Variants in GOLGB1 observed in about 807,000 individuals in gnomAD.
The protein encoded by GOLGB1 is golgin B1.
In GOLGB1, 174 loss-of-function variants were observed where a neutral mutation model predicts 336.9. The ratio of observed to expected loss-of-function variants is 0.52; its 90% CI spans 0.46 to 0.59. GOLGB1 has a LOEUF of 0.59. Among genes scored for constraint, GOLGB1 ranks in the 20% least tolerant of loss-of-function variants. The pLI, the probability that GOLGB1 is intolerant of heterozygous loss-of-function variation, is 0.00. For synonymous variants in GOLGB1, 1,208 were observed against 1,289.2 expected, an observed-to-expected ratio of 0.94 and a Z score of 1.35; for missense variants, 3,331 against 3,645.3, an observed-to-expected ratio of 0.91 and a Z score of 2.22.
chr3:121,689,798 T>C (rs567129210), intron 14 of GOLGB1, among the ~76,000 whole-genome samples: 1 of 152,350 alleles, frequency 6.6e-6, no homozygotes, highest in East Asian at 1.9e-4. Flanking sequence ...CAGACTATCA[T>C]GAAAGTGAAG....
At chr3:121,687,347 C>A (rs190490738) in intron 14 of GOLGB1, among the ~76,000 whole-genome samples, 242 of 152,248 alleles carry the variant, frequency 1.6e-3, no homozygotes, top group South Asian at 3.5e-3. Flanking sequence ...GATAGTACAA[C>A]TTTTAAATAT....
intron 10 of GOLGB1, among the ~76,000 whole-genome samples, chr3:121,713,147 C>T (rs1454420201): frequency 1.3e-5 from 2 of 151,900 alleles, no homozygotes; most frequent in Admixed American, 1.3e-4. Flanking sequence ...GGGCGACAGA[C>T]CAAGACTCCG....
Position 121,691,998 on chromosome 3 carries a change from C to T in GOLGB1, c.7366G>A (p.Glu2456Lys), listed in dbSNP as rs1194523677. The change falls in exon 14 of 22, where the codon GAA becomes AAA. Residue 2456 changes from glutamate (E) to lysine (K), a missense_variant. Physicochemically the swap from Glu to Lys is moderately conservative, Grantham distance 56 (BLOSUM62 1). Transcript: ENST00000614479. ...AACTGTGCCTTTTGCTGAATGTTTT[C>T]CTTTTTGATGGTTTTCAGTGTTTCC... ...LMETLKTIKK[E>K]NIQQKAQLDS... is the part of the protein sequence containing the mutation. 1.2e-6 allele frequency: 2 copies of T among 1,613,534 alleles called. No homozygotes were observed. The highest frequency in any genetic ancestry group is 1.1e-5 in the South Asian group (1 of 90,932).
At chr3:121,729,401 C>T in intron 3 of GOLGB1, 61 bp from the exon 4 acceptor site, 1 of 1,282,214 alleles carries the variant, frequency 7.8e-7, no homozygotes, top group South Asian at 1.4e-5. Context: ...CTAGCACATA[C>T]TAAAAGTTAT....
chr3:121,700,369 C>A (rs368377212), intron 11 of GOLGB1, among the ~76,000 whole-genome samples: 35 of 152,030 alleles, frequency 2.3e-4, no homozygotes, highest in East Asian at 7.7e-4. Context: ...ATGACACAAC[C>A]CGAAAGGTTA....
At chr3:121,685,124 T>A (rs1277841542) in intron 14 of GOLGB1, among the ~76,000 whole-genome samples, 1 of 152,196 alleles carries the variant, frequency 6.6e-6, no homozygotes, top group Admixed American at 6.5e-5. Context: ...AAAATAAAAG[T>A]AACATGTCTC....
intron 5 of GOLGB1, among the ~76,000 whole-genome samples, chr3:121,723,819 C>G (rs1426479352): frequency 1.3e-5 from 2 of 152,160 alleles, no homozygotes; most frequent in African/African-American, 2.4e-5. Context: ...GAAAAGCTTT[C>G]CTGAATCAAG....
chr3:121,726,433 C>CAAAAAAAAAAAAAA (rs10547964), intron 5 of GOLGB1, among the ~76,000 whole-genome samples: 1 of 61,452 alleles, frequency 1.6e-5, no homozygotes, highest in Admixed American at 2.4e-4. Context: ...CACCCTGTCT[C>CAAAAAAAAAAAAAA]AAAAAAAAAA....
chr3:121,726,689 T>G (rs771583002), intron 5 of GOLGB1, among the ~76,000 whole-genome samples: 2 of 152,034 alleles, frequency 1.3e-5, no homozygotes, highest in Non-Finnish European at 2.9e-5. Context: ...AACCATATAT[T>G]GAAAGAGTAT....
rs1325369526 is a variant in GOLGB1, at chr3:121,664,764, G to C, written c.9661-150C>G. ...AAGTTGCCTCAGAGTCAACAACTTG[G>C]CAAATTCCACCAGGTTCTAATCTTC... On this transcript the variant is annotated intron_variant, in intron 21 of 21. Transcript: ENST00000614479. 12 of 854,206 alleles carry C rather than the reference G, an allele frequency of 1.4e-5. No individual in the cohort carries two copies. The Admixed American group carries it at 1.8e-4, about 13-fold the overall frequency. 52.9% of individuals were successfully genotyped at this position (854,206 alleles called of 1,614,324 possible). A position where few individuals can be genotyped will look rare whatever the true frequency, so the allele number is the denominator to read the frequency against.
chr3:121,729,516 C>A (rs953080722), intron 3 of GOLGB1, among the ~76,000 whole-genome samples, 176 bp from the exon 4 acceptor site: 1 of 152,096 alleles, frequency 6.6e-6, no homozygotes, highest in Non-Finnish European at 1.5e-5. Context: ...CAGGCTCAAG[C>A]GATCCTATCT....
rs758441188 is a variant in GOLGB1 at position 121,714,911 on chromosome 3, C to T, written c.1354G>A (p.Glu452Lys). ...GGGAAAGAAGTCTGAGATGCTGTTT[C>T]ATGTTGTTGCAAGGGCAGTCTATTT... ...FLNRLPLQQH[E>K]TASQTSFPDV... The change falls in exon 10 of 22, where the codon GAA (glutamate) becomes AAA (lysine). Residue 452 changes from glutamate to lysine, a missense_variant. Physicochemically the swap from Glu to Lys is moderately conservative, Grantham distance 56 (BLOSUM62 1). Transcript: ENST00000614479. The T allele has an allele frequency of 2.5e-6, 4 of 1,613,056 alleles. No individual in the cohort carries two copies. Among genetic ancestry groups the T allele is most frequent in the Non-Finnish European group, 3.4e-6 (4 of 1,179,368 alleles).
At chr3:121,705,837 C>G (rs943892669) in intron 10 of GOLGB1, among the ~76,000 whole-genome samples, 1 of 152,010 alleles carries the variant, frequency 6.6e-6, no homozygotes, top group Admixed American at 6.5e-5. Context: ...GTTATATAGC[C>G]AAATGTGAAA....
At chr3:121,693,082 AT>A (rs1942601373) in intron 13 of GOLGB1, among the ~76,000 whole-genome samples, 2 of 152,362 alleles carry the variant, frequency 1.3e-5, no homozygotes, top group South Asian at 4.1e-4. Flanking sequence ...TAAGAGGTAT[AT>A]GCAGTATGAA....
intron 17 of GOLGB1, among the ~76,000 whole-genome samples, chr3:121,676,200 A>G (rs1940351975): frequency 1.3e-5 from 2 of 152,252 alleles, no homozygotes; most frequent in South Asian, 4.1e-4. Flanking sequence ...TTCCACATGC[A>G]TGATCACGTT....
At chr3:121,737,400 C>T (rs560899595) in intron 1 of GOLGB1, among the ~76,000 whole-genome samples, 1 of 152,182 alleles carries the variant, frequency 6.6e-6, no homozygotes, top group African/African-American at 2.4e-5. Context: ...TGCCTGTAAT[C>T]CCAGCACTTT....
chr3:121,713,293 T>C (rs75524183), intron 10 of GOLGB1, among the ~76,000 whole-genome samples: 19,299 of 152,146 alleles, frequency 0.13, 1,444 homozygotes, highest in African/African-American at 0.19. Flanking sequence ...TGAAAACATA[T>C]GTCCACATAA....
In GOLGB1 at chr3:121,691,256, GTTTCA is replaced by G; in HGVS notation, c.8103_8107del (p.Glu2702Ter). 1 of 1,613,926 alleles carries G rather than the reference GTTTCA, an allele frequency of 6.2e-7. No individual in the cohort carries two copies. The highest frequency in any genetic ancestry group is 8.5e-7 in the Non-Finnish European group (1 of 1,179,994). ...TGCCACTCTCTCTTCTGCTGTTTCA[GTTTCA>G]TTTCTCATTATCCCTGCATCATGAT... On this transcript the variant is annotated frameshift_variant, in exon 14 of 22. Coordinates refer to ENST00000614479, the MANE Select transcript of GOLGB1 (RefSeq NM_001366282.2). LOFTEE classifies it high-confidence loss of function.
Position 121,667,622 on chromosome 3 carries a change from G to A in GOLGB1, c.9420-12C>T, listed in dbSNP as rs1448835896. 1.1e-5 allele frequency: 17 copies of A among 1,611,220 alleles called. No homozygotes were observed. Among genetic ancestry groups the A allele is most frequent in the Non-Finnish European group, 1.4e-5 (17 of 1,178,542 alleles). On this transcript the variant is annotated splice_polypyrimidine_tract_variant and intron_variant, in intron 19 of 21. Coordinates refer to ENST00000614479, the MANE Select transcript of GOLGB1 (RefSeq NM_001366282.2). ...GAGCTTCAGAAAAGCTTTAGGATGAGAGGAAAACAAAAAGCATCATCAGAT... is the reference window on the plus strand; with the variant it reads ...GAGCTTCAGAAAAGCTTTAGGATGAAAGGAAAACAAAAAGCATCATCAGAT...
Sources: gnomAD v4.1 joint callset for allele counts (sites outside exome capture counted in the v4.1 genomes callset) on GRCh38, gnomAD v4.1.1 for gene constraint, MANE v1.5 for transcripts, NCBI Gene and HGNC (gene_info 2026-07-23, HGNC 2026-07-21) for gene names.